Variants in STRADB observed in about 807,000 individuals in gnomAD.
STRADB encodes STE20-related kinase adapter protein beta.
In STRADB, 34 loss-of-function variants were observed where a neutral mutation model predicts 52.1. That is an observed-to-expected ratio of 0.65 (90% CI 0.50 to 0.87). The LOEUF (loss-of-function observed/expected upper bound fraction) is 0.87. Ranked by LOEUF, STRADB falls within the 40% of genes least tolerant of loss-of-function variation. STRADB has a pLI of 0.00. For missense variants in STRADB, 340 were observed against 483.9 expected (o/e 0.70, Z 2.79); for synonymous variants, 133 against 174.5 (o/e 0.76, Z 1.87).
At chr2:201,472,085 A>G (rs58482649) in intron 4 of STRADB, among the ~76,000 whole-genome samples, 1,884 of 152,326 alleles carry the variant, frequency 0.012, 57 homozygotes, top group African/African-American at 0.043. Flanking sequence ...GGTGTTTTAC[A>G]TTTAAAAAGC....
At chr2:201,472,879 T>C in intron 4 of STRADB, 76 bp from the exon 5 acceptor site, 1 of 1,456,532 alleles carries the variant, frequency 6.9e-7, no homozygotes, top group Non-Finnish European at 9.2e-7. Context: ...GTAAGACTTT[T>C]CAATTTTGAT....
chr2:201,478,801 C>T (rs545967658), intron 10 of STRADB, among the ~76,000 whole-genome samples, 200 bp downstream of exon 10: 18 of 152,046 alleles, frequency 1.2e-4, no homozygotes, highest in African/African-American at 3.9e-4. Context: ...AGGCTGGGTG[C>T]GGTGGCTCAC....
intron 2 of STRADB, among the ~76,000 whole-genome samples, chr2:201,455,871 C>T (rs578243174): frequency 7.6e-4 from 115 of 152,142 alleles, no homozygotes; most frequent in Non-Finnish European, 9.8e-4. Flanking sequence ...CTCATACCTG[C>T]CAATCTATTC....
Position 201,473,135 on chromosome 2 carries a change from T to A in STRADB, c.315+59T>A, listed in dbSNP as rs759915393. 2.2e-4 allele frequency: 333 copies of A among 1,484,714 alleles called. 1 individual carries two copies. The highest frequency in any genetic ancestry group is 2.9e-4 in the Non-Finnish European group (324 of 1,110,024). The allele number at this position is 1,484,714 out of a possible 1,614,324, so 92.0% of individuals were successfully genotyped here. A position where few individuals can be genotyped will look rare whatever the true frequency, so the allele number is the denominator to read the frequency against. ...CCTCTGTATCCACTGGTTCCACATCTGCAGATTCAACCAATTGTGAATAGA... is the reference window on the plus strand; with the variant it reads ...CCTCTGTATCCACTGGTTCCACATCAGCAGATTCAACCAATTGTGAATAGA... On this transcript the variant is annotated intron_variant, in intron 5 of 11. Coordinates refer to ENST00000194530, the MANE Select transcript of STRADB (RefSeq NM_018571.6).
intron 7 of STRADB, among the ~76,000 whole-genome samples, chr2:201,477,311 G>A (rs1206717934): frequency 2.6e-5 from 4 of 151,844 alleles, no homozygotes; most frequent in South Asian, 2.1e-4. Flanking sequence ...TGATCTGCCC[G>A]CCTCAGCCTC....
chr2:201,459,283 C>G (rs1225058769), intron 3 of STRADB, among the ~76,000 whole-genome samples: 1 of 152,150 alleles, frequency 6.6e-6, no homozygotes, highest in African/African-American at 2.4e-5. Flanking sequence ...TCAAGCAGAA[C>G]TGATGCTTCT....
chr2:201,468,085 C>CTTTTTTTTTTTTT (rs536551120), intron 3 of STRADB, among the ~76,000 whole-genome samples: 289 of 70,706 alleles, frequency 4.1e-3, no homozygotes, highest in Non-Finnish European at 6.2e-3. Context: ...TTTTTTTTTT[C>CTTTTTTTTTTTTT]TTTTTTTTTT....
chr2:201,465,130 C>CT (rs1485973733), intron 3 of STRADB, among the ~76,000 whole-genome samples: 1 of 152,136 alleles, frequency 6.6e-6, no homozygotes, highest in African/African-American at 2.4e-5. Flanking sequence ...ACCAAGCCCC[C>CT]TTTACTGTCC....
rs139335019 is a variant in STRADB at position 201,461,232 on chromosome 2, C to T, written c.93+2368C>T. Among the ~76,000 whole-genome samples, 3 of 152,228 alleles carry T rather than the reference C, an allele frequency of 2.0e-5. No individual in the cohort carries two copies. The East Asian group carries it at 5.8e-4, about 29-fold the overall frequency. On this transcript the variant is annotated intron_variant, in intron 3 of 11. Transcript: ENST00000194530. ...AGAGATGGCATCTTGCTTTGCCACCCAGCTGCACTGCAGTGGTGTAATCAT... is the reference window on the plus strand; with the variant it reads ...AGAGATGGCATCTTGCTTTGCCACCTAGCTGCACTGCAGTGGTGTAATCAT...
chr2:201,478,943 T>G (rs1326417286), intron 10 of STRADB, among the ~76,000 whole-genome samples: 1 of 151,894 alleles, frequency 6.6e-6, no homozygotes, highest in African/African-American at 2.4e-5. Flanking sequence ...TGTGGTGGCA[T>G]GCACCTGTAG....
chr2:201,468,516 T>C (rs965107235), intron 3 of STRADB, among the ~76,000 whole-genome samples: 2 of 152,224 alleles, frequency 1.3e-5, no homozygotes, highest in African/African-American at 4.8e-5. Flanking sequence ...GTATCCTAAG[T>C]GTAATTGCCC....
At chr2:201,474,363 C>T (rs528508027) in intron 5 of STRADB, among the ~76,000 whole-genome samples, 14 of 152,140 alleles carry the variant, frequency 9.2e-5, no homozygotes, top group African/African-American at 2.9e-4. Context: ...AAGAGTATGA[C>T]CCTAGAGGGA....
chr2:201,480,829 A>G lies in STRADB; in HGVS notation c.*654A>G, dbSNP rs1272378034. 2 of 985,306 alleles carry G rather than the reference A, an allele frequency of 2.0e-6. No homozygotes were observed. The highest frequency in any genetic ancestry group is 3.5e-5 in the African/African-American group (2 of 57,234). The allele number at this position is 985,306 out of a possible 1,614,324, so 61.0% of individuals were successfully genotyped here. On this transcript the variant is annotated 3_prime_UTR_variant, in exon 12 of 12. Coordinates refer to ENST00000194530, the MANE Select transcript of STRADB (RefSeq NM_018571.6). ...TTCACGCACCCCGTGGGAGCTCAAT[A>G]AAGATTTACTGAATTGAGTTTATGC...
intron 3 of STRADB, among the ~76,000 whole-genome samples, chr2:201,466,849 T>C (rs922808760): frequency 2.6e-5 from 4 of 152,158 alleles, no homozygotes; most frequent in African/African-American, 4.8e-5. Flanking sequence ...TGAGAGTTCA[T>C]TGTAGAAATT....
intron 1 of STRADB, 49 bp from the exon 2 acceptor site, chr2:201,454,697 T>C: frequency 1.4e-6 from 1 of 737,988 alleles, no homozygotes; most frequent in Non-Finnish European, 2.1e-6. Context: ...ACTGGTTCTT[T>C]AAGGAACTTT....
chr2:201,469,893 T>G, intron 3 of STRADB, 60 bp from the exon 4 acceptor site: 1 of 1,279,702 alleles, frequency 7.8e-7, no homozygotes, highest in Non-Finnish European at 1.1e-6. Context: ...GTGTTTTATA[T>G]TAGGGCAGGG....
In STRADB at chr2:201,471,749, T is replaced by G. The variant is rs553602792; in HGVS notation, c.194-1206T>G. On this transcript the variant is annotated intron_variant, in intron 4 of 11. Coordinates refer to ENST00000194530, the MANE Select transcript of STRADB (RefSeq NM_018571.6). ...GTCATCTTCATTACCTGTGTCTTTTTTAAAATTACAGCACCTATATTCCAT... is the reference window on the plus strand; with the variant it reads ...GTCATCTTCATTACCTGTGTCTTTTGTAAAATTACAGCACCTATATTCCAT... Among the ~76,000 whole-genome samples, 35 of 152,310 alleles carry G rather than the reference T, an allele frequency of 2.3e-4. No homozygotes were observed. The East Asian group carries it at 6.6e-3, about 29-fold the overall frequency.
intron 3 of STRADB, among the ~76,000 whole-genome samples, chr2:201,467,383 C>T (rs1952320353): frequency 6.6e-6 from 1 of 152,154 alleles, no homozygotes; most frequent in South Asian, 2.1e-4. Flanking sequence ...TCTTGTACCT[C>T]CCTGTAGCTC....
Position 201,478,538 on chromosome 2 carries a change from A to C in STRADB, c.1007A>C (p.Lys336Thr), listed in dbSNP as rs755064384. 6.2e-7 allele frequency: 1 copy of C among 1,613,888 alleles called. No homozygotes were observed. Among genetic ancestry groups the C allele is most frequent in the South Asian group, 1.1e-5 (1 of 91,074 alleles). ...GACCGATTACACACACCATCCTCAA[A>C]AACTTTCTCTCCTGCCTTCTTTAGC... Reference protein sequence around the residue: ...NSDRLHTPSSKTFSPAFFSLV... With the variant: ...NSDRLHTPSSTTFSPAFFSLV... The change falls in exon 10 of 12, where the codon AAA (lysine) becomes ACA (threonine). Residue 336 changes from lysine (K) to threonine (T), a missense_variant. By Grantham distance (78) the Lys-to-Thr change is moderately conservative. Transcript: ENST00000194530.
Sources: gnomAD v4.1 joint callset for allele counts (sites outside exome capture counted in the v4.1 genomes callset) on GRCh38, gnomAD v4.1.1 for gene constraint, MANE v1.5 for transcripts, NCBI Gene and HGNC (gene_info 2026-07-23, HGNC 2026-07-21) for gene names.